MUC5AC: variants seen among roughly 807,000 people sequenced by gnomAD.
MUC5AC encodes the protein mucin-5AC.
Under a neutral mutation model 169.7 loss-of-function variants are expected in MUC5AC, and 158 were observed. That is an observed-to-expected ratio of 0.93 (90% CI 0.82 to 1.06). The LOEUF is 1.06. MUC5AC is among the 50% of genes least tolerant of loss of function. MUC5AC has a pLI of 0.00. For synonymous variants in MUC5AC, 1,975 were observed against 1,237.0 expected (o/e 1.60, Z -12.52); for missense variants, 4,359 against 3,089.9 (o/e 1.41, Z -9.74).
intron 7 of MUC5AC, 41 bp from the exon 8 acceptor site, chr11:1,164,064 TC>T: frequency 6.2e-7 from 1 of 1,610,106 alleles, no homozygotes; most frequent in East Asian, 2.2e-5. Flanking sequence ...CCGGTCCAGA[TC>T]CCCCACCGAG....
chr11:1,168,229 C>A (rs574741982), intron 12 of MUC5AC, among the ~76,000 whole-genome samples: 1 of 152,294 alleles, frequency 6.6e-6, no homozygotes, highest in South Asian at 2.1e-4. Flanking sequence ...AGGGACTGGG[C>A]GCACCTGCGG....
chr11:1,160,887 C>T (rs1233551639), intron 2 of MUC5AC, among the ~76,000 whole-genome samples, 198 bp downstream of exon 2: 1 of 152,230 alleles, frequency 6.6e-6, no homozygotes, highest in Non-Finnish European at 1.5e-5. Context: ...TGGGCCAGCC[C>T]CCTGCAGCGC....
At position 1,189,132 on chromosome 11, in the gene MUC5AC, A is replaced by G; in HGVS notation, c.10987A>G (p.Ser3663Gly). The G allele has an allele frequency of 1.7e-6, 1 of 602,484 alleles. No homozygotes were observed. The highest frequency in any genetic ancestry group is 3.0e-6 in the Non-Finnish European group (1 of 337,704). The allele number at this position is 602,484 out of a possible 1,614,324, so 37.3% of individuals were successfully genotyped here. A position where few individuals can be genotyped will look rare whatever the true frequency, so the allele number is the denominator to read the frequency against. The change falls in exon 31 of 49, where the codon AGC becomes GGC. Residue 3663 changes from serine to glycine, a missense_variant. Ser to Gly is a moderately conservative substitution (Grantham distance 56). Transcript: ENST00000621226. The stretch of plus-strand genomic sequence containing the variant: ...CAGGACAACCACTTTGGTGACAAGC[A>G]GCATAACCTCCACTACACAGACCAG... ...KSRTTTLVTS[S>G]ITSTTQTSTT...
intron 48 of MUC5AC, 140 bp downstream of exon 48, chr11:1,200,109 G>A (rs2133780839): frequency 1.6e-6 from 1 of 610,636 alleles, no homozygotes; most frequent in South Asian, 2.0e-5. Flanking sequence ...GGCGGGAAAG[G>A]GGTCCTGAGA....
chr11:1,164,048 T>C (rs1860228886), intron 7 of MUC5AC, 57 bp downstream of exon 7: 1 of 1,609,424 alleles, frequency 6.2e-7, no homozygotes, highest in East Asian at 2.2e-5. Context: ...GTTGTGAGCC[T>C]GGGAACCGGT....
rs1860926442 is a variant in MUC5AC at position 1,185,755 on chromosome 11, C to T, written c.7610C>T (p.Thr2537Ile). The change falls in exon 31 of 49, where the codon ACC (threonine) becomes ATC (isoleucine). Residue 2537 changes from threonine (T) to isoleucine (I), a missense_variant. Physicochemically the swap from Thr to Ile is moderately conservative, Grantham distance 89 (BLOSUM62 -1). Coordinates refer to ENST00000621226, the MANE Select transcript of MUC5AC (RefSeq NM_001304359.2). Reference protein sequence around the residue: ...GAGTTPSPVPTTSTTSAPTTS... With the variant: ...GAGTTPSPVPITSTTSAPTTS... ...GGAACTACTCCCAGCCCTGTTCCCA[C>T]CACCAGCACAACCTCTGCTCCTACA... The T allele has an allele frequency of 4.0e-6, 3 of 741,036 alleles. No individual in the cohort carries two copies. The highest frequency in any genetic ancestry group is 4.9e-5 in the East Asian group (2 of 40,574). 45.9% of individuals were successfully genotyped at this position (741,036 alleles called of 1,614,324 possible).
At chr11:1,192,556 T>G (rs1190731031) in intron 31 of MUC5AC, 31 bp downstream of exon 31, 1 of 759,804 alleles carries the variant, frequency 1.3e-6, no homozygotes, top group Admixed American at 1.7e-5. Flanking sequence ...CAATTGTTTC[T>G]GAGCTCACCC....
rs1336166522 is a variant in MUC5AC, at chr11:1,184,335, C to T, written c.6190C>T (p.Arg2064Trp). 837 of 476,438 alleles carry T rather than the reference C, an allele frequency of 1.8e-3. 15 individuals are homozygous for T. The East Asian group carries it at 0.027, about 15-fold the overall frequency. The allele number at this position is 476,438 out of a possible 1,614,324, so 29.5% of individuals were successfully genotyped here. Residue 2064 changes from arginine to tryptophan, a missense_variant, in exon 31 of 49, where the codon CGG (arginine) becomes TGG (tryptophan). By Grantham distance (101) the Arg-to-Trp change is moderately radical. Coordinates refer to ENST00000621226, the MANE Select transcript of MUC5AC (RefSeq NM_001304359.2). ...ACCGCCAAAGACCGTCGCAACGACACGGCCGACTCCACATCCAACCGGAGC... is the reference window on the plus strand; with the variant it reads ...ACCGCCAAAGACCGTCGCAACGACATGGCCGACTCCACATCCAACCGGAGC... ...TRPPKTVATT[R>W]PTPHPTGAQT...
At chr11:1,168,350 C>T (rs1860393862) in intron 12 of MUC5AC, 133 bp from the exon 13 acceptor site, 2 of 851,434 alleles carry the variant, frequency 2.3e-6, no homozygotes, top group Non-Finnish European at 3.8e-6. Context: ...CAGGCGAGCA[C>T]AAGGCCACCT....
rs1334774999 is a variant in MUC5AC at position 1,168,777 on chromosome 11, G to A, written c.1703G>A (p.Cys568Tyr). The A allele has an allele frequency of 1.3e-6, 2 of 1,597,474 alleles. No homozygotes were observed. Among genetic ancestry groups the A allele is most frequent in the African/African-American group, 2.7e-5 (2 of 74,664 alleles). Residue 568 changes from cysteine (C) to tyrosine (Y), a missense_variant and splice_region_variant, in exon 14 of 49, where the codon TGC (cysteine) becomes TAC (tyrosine). Cys to Tyr is a radical substitution (Grantham distance 194, BLOSUM62 -2). Transcript: ENST00000621226. ...QLAPKLRGQT[C>Y]GLCGNFNSIQ... Reference sequence around the variant, plus strand: ...GCGCCCAAGCTCCGTGGGCAGACCTGCGGTAAGAGGGCTGCCTTCTGGGCT... The same window carrying A: ...GCGCCCAAGCTCCGTGGGCAGACCTACGGTAAGAGGGCTGCCTTCTGGGCT...
At chr11:1,170,977 AC>A (rs1163601872) in intron 15 of MUC5AC, among the ~76,000 whole-genome samples, 61,558 of 71,900 alleles carry the variant, frequency 0.86, 26,271 homozygotes, top group Non-Finnish European at 0.89. Context: ...TCACCCATTC[AC>A]CCCACTCACC....
Position 1,192,990 on chromosome 11 carries a change from C to G in MUC5AC, c.14580+8C>G, listed in dbSNP as rs1191671360. On this transcript the variant is annotated splice_region_variant and intron_variant, in intron 32 of 48. Transcript: ENST00000621226. The stretch of plus-strand genomic sequence containing the variant: ...GCGGTTCCCCCCAGAAAGGTAACCC[C>G]CTACTTCTCACCCTTCTGAAGGCTC... 1.4e-6 allele frequency: 1 copy of G among 695,390 alleles called. No homozygotes were observed. The highest frequency in any genetic ancestry group is 2.0e-5 in the Admixed American group (1 of 50,720). 43.1% of individuals were successfully genotyped at this position (695,390 alleles called of 1,614,324 possible).
At chr11:1,160,040 T>G (rs182178741) in intron 1 of MUC5AC, among the ~76,000 whole-genome samples, 3,921 of 109,908 alleles carry the variant, frequency 0.036, 62 homozygotes, top group Middle Eastern at 0.059. Context: ...TGCGAGGCTG[T>G]GGTCTGGTCC....
chr11:1,182,922 C>A lies in MUC5AC; in HGVS notation c.4777C>A (p.Pro1593Thr), dbSNP rs1450177867. 2.0e-5 allele frequency: 8 copies of A among 398,610 alleles called. No homozygotes were observed. Among genetic ancestry groups the A allele is most frequent in the African/African-American group, 4.1e-5 (2 of 48,580 alleles). 24.7% of individuals were successfully genotyped at this position (398,610 alleles called of 1,614,324 possible). A position where few individuals can be genotyped will look rare whatever the true frequency, so the allele number is the denominator to read the frequency against. Residue 1593 changes from proline (P) to threonine (T), a missense_variant, in exon 31 of 49, where the codon CCT (proline) becomes ACT (threonine). Physicochemically the swap from Pro to Thr is conservative, Grantham distance 38. Coordinates refer to ENST00000621226, the MANE Select transcript of MUC5AC (RefSeq NM_001304359.2). ...TWTEWIDGSY[P>T]APGINGGDFD... ...GACCGAGTGGATCGATGGCAGCTAC[C>A]CTGCTCCTGGAATAAATGGTGGAGA... is the stretch of plus-strand genomic sequence containing the variant.
Position 1,194,586 on chromosome 11 carries a change from G to A in MUC5AC, c.15106G>A (p.Gly5036Arg), listed in dbSNP as rs763651806. Residue 5036 changes from glycine (G) to arginine (R), a missense_variant, in exon 35 of 49, where the codon GGA becomes AGA. Coordinates refer to ENST00000621226, the MANE Select transcript of MUC5AC (RefSeq NM_001304359.2). ...GATGTACGCGACCATCCCGGAGCTG[G>A]GAGTCCAGGTCATGTTCTCCGGCCT... ...VKMYATIPEL[G>R]VQVMFSGLIF... The A allele has an allele frequency of 5.2e-6, 4 of 764,650 alleles. No individual in the cohort carries two copies. Among genetic ancestry groups the A allele is most frequent in the East Asian group, 4.9e-5 (2 of 41,226 alleles). The allele number at this position is 764,650 out of a possible 1,614,324, so 47.4% of individuals were successfully genotyped here.
chr11:1,196,607 C>T lies in MUC5AC; in HGVS notation c.15726-10C>T, dbSNP rs1356322083. 2.6e-5 allele frequency: 20 copies of T among 761,426 alleles called. No individual in the cohort carries two copies. Among genetic ancestry groups the T allele is most frequent in the Admixed American group, 2.6e-4 (15 of 58,404 alleles). The allele number at this position is 761,426 out of a possible 1,614,324, so 47.2% of individuals were successfully genotyped here. ...AAAAAGGAGACCCACCAACCCTATG[C>T]TCTCTACAGGGCTCTGCCGGAGGCC... On this transcript the variant is annotated splice_polypyrimidine_tract_variant and intron_variant, in intron 38 of 48. Transcript: ENST00000621226.
At chr11:1,170,441 C>T (rs1860473361) in intron 15 of MUC5AC, among the ~76,000 whole-genome samples, 92 of 114,120 alleles carry the variant, frequency 8.1e-4, no homozygotes, top group Non-Finnish European at 9.7e-4. Flanking sequence ...ACCCATTCAC[C>T]CACTCACTCA....
intron 43 of MUC5AC, among the ~76,000 whole-genome samples, 177 bp downstream of exon 43, chr11:1,198,482 G>C (rs946932548): frequency 6.6e-6 from 1 of 152,108 alleles, no homozygotes; most frequent in Non-Finnish European, 1.5e-5. Flanking sequence ...CCCAGGTCCC[G>C]GAAATATGGA....
Position 1,197,637 on chromosome 11 carries a change from G to T in MUC5AC, c.16031G>T (p.Cys5344Phe), listed in dbSNP as rs1329453668. 2 of 710,344 alleles carry T rather than the reference G, an allele frequency of 2.8e-6. No homozygotes were observed. The allele number at this position is 710,344 out of a possible 1,614,324, so 44.0% of individuals were successfully genotyped here. Residue 5344 changes from cysteine to phenylalanine, a missense_variant and splice_region_variant, in exon 41 of 49, where the codon TGC becomes TTC. Coordinates refer to ENST00000621226, the MANE Select transcript of MUC5AC (RefSeq NM_001304359.2). Reference sequence around the variant, plus strand: ...GGCCAGTGCTGCCCCCAGTACAGCTGCGGTAAGCCCTTTGCTGGGTGAGGG... The same window carrying T: ...GGCCAGTGCTGCCCCCAGTACAGCTTCGGTAAGCCCTTTGCTGGGTGAGGG... ...QAGQCCPQYS[C>F]ACNTSRCPAP...
Sources: gnomAD v4.1 joint callset for allele counts (sites outside exome capture counted in the v4.1 genomes callset) on GRCh38, gnomAD v4.1.1 for gene constraint, MANE v1.5 for transcripts, NCBI Gene and HGNC (gene_info 2026-07-23, HGNC 2026-07-21) for gene names.